The following PLK1 variants were observed in gnomAD, a reference collection of about 807,000 sequenced individuals.
The protein encoded by PLK1 is polo like kinase 1, also known as serine/threonine-protein kinase PLK1.
PLK1 carries 6 observed loss-of-function variants against 56.7 expected under a neutral mutation model. The observed-to-expected ratio is 0.11, with a 90% CI of 0.06 to 0.21. The LOEUF (loss-of-function observed/expected upper bound fraction) is 0.21. Ranked by LOEUF, PLK1 falls within the 10% of genes least tolerant of loss-of-function variation. The pLI is 1.00. For missense variants in PLK1, 546 were observed against 814.4 expected (o/e 0.67, Z 4.01); for synonymous variants, 298 against 325.0 (o/e 0.92, Z 0.89).
chr16:23,680,158 G>C lies in PLK1; in HGVS notation c.483G>C (p.Val161=), dbSNP rs1959308636. The change falls in exon 2 of 10, where the codon GTG becomes GTC. Residue 161 remains valine (V), a synonymous_variant. Coordinates refer to ENST00000300093, the MANE Select transcript of PLK1 (RefSeq NM_005030.6). Reference sequence around the variant, plus strand: ...CCCGATACTACCTACGGCAAATTGTGCTTGGCTGCCAGTACCTGCACCGAA... The same window carrying C: ...CCCGATACTACCTACGGCAAATTGTCCTTGGCTGCCAGTACCTGCACCGAA... ...PEARYYLRQI[V]LGCQYLHRNR... 6.2e-7 allele frequency: 1 copy of C among 1,614,014 alleles called. No homozygotes were observed. Among genetic ancestry groups the C allele is most frequent in the Non-Finnish European group, 8.5e-7 (1 of 1,179,934 alleles).
chr16:23,680,997 G>A lies in PLK1; in HGVS notation c.661G>A (p.Glu221Lys), dbSNP rs2140997794. Residue 221 changes from glutamate to lysine, a missense_variant, in exon 3 of 10, where the codon GAG (glutamate) becomes AAG (lysine). Around this residue, in one of 7 missense-constraint regions of PLK1, gnomAD observed 21 missense variants for 58.4 expected, o/e 0.36. Transcript: ENST00000300093. Reference sequence around the variant, plus strand: ...TGGGACTCCTAATTACATAGCTCCCGAGGTGCTGAGCAAGAAAGGGCACAG... The same window carrying A: ...TGGGACTCCTAATTACATAGCTCCCAAGGTGCTGAGCAAGAAAGGGCACAG... Reference protein sequence around the residue: ...LCGTPNYIAPEVLSKKGHSFE... With the variant: ...LCGTPNYIAPKVLSKKGHSFE... 6.2e-7 allele frequency: 1 copy of A among 1,613,050 alleles called. No individual in the cohort carries two copies. The highest frequency in any genetic ancestry group is 8.5e-7 in the Non-Finnish European group (1 of 1,179,594).
At position 23,684,293 on chromosome 16, in the gene PLK1, G is replaced by A. The variant is rs537861010; in HGVS notation, c.1036+204G>A. ...TACCATGGCTGGATAAACGTACCAT[G>A]CCCAAGAAGAAGAAAATGGATTGAA... On this transcript the variant is annotated intron_variant, in intron 5 of 9. Coordinates refer to ENST00000300093, the MANE Select transcript of PLK1 (RefSeq NM_005030.6). 1.8e-4 allele frequency among the ~76,000 whole-genome samples: 27 copies of A among 152,316 alleles called. 1 individual carries two copies. In the South Asian group the frequency reaches 5.6e-3, roughly 32 times the overall value.
At chr16:23,687,732 C>T (rs1024640089) in intron 6 of PLK1, 108 bp downstream of exon 6, 6 of 720,250 alleles carry the variant, frequency 8.3e-6, no homozygotes, top group Non-Finnish European at 1.3e-5. Context: ...GCCCTGTCTG[C>T]ATAGGACCAT....
At position 23,682,171 on chromosome 16, in the gene PLK1, C is replaced by CT; in HGVS notation, c.816+17dup. The CT allele has an allele frequency of 1.5e-6, 2 of 1,348,298 alleles. No homozygotes were observed. The highest frequency in any genetic ancestry group is 2.1e-6 in the Non-Finnish European group (2 of 938,970). 83.5% of individuals were successfully genotyped at this position (1,348,298 alleles called of 1,614,324 possible). On this transcript the variant is annotated intron_variant, in intron 4 of 9. Coordinates refer to ENST00000300093, the MANE Select transcript of PLK1 (RefSeq NM_005030.6). Reference sequence around the variant, plus strand: ...AGTATTCCCAAGGTGACTAATGATGCTTTAAGTTTACATTTATTTTGTTTT... The same window carrying CT: ...AGTATTCCCAAGGTGACTAATGATGCTTTTAAGTTTACATTTATTTTGTTTT...
chr16:23,687,793 G>A lies in PLK1; in HGVS notation c.1192+169G>A, dbSNP rs1597136696. The A allele has an allele frequency of 3.7e-5, 16 of 426,800 alleles. No homozygotes were observed. In the East Asian group the frequency reaches 3.9e-4, roughly 10 times the overall value. The allele number at this position is 426,800 out of a possible 1,614,324, so 26.4% of individuals were successfully genotyped here. The stretch of plus-strand genomic sequence containing the variant: ...AGGCCCTGCTTCCGTGGCTCCTGCC[G>A]CCTTTTCTGATCCGTCTTTTTTACT... On this transcript the variant is annotated intron_variant, in intron 6 of 9. Coordinates refer to ENST00000300093, the MANE Select transcript of PLK1 (RefSeq NM_005030.6).
At chr16:23,688,541 G>A (rs1959467856) in intron 6 of PLK1, 127 bp from the exon 7 acceptor site, 3 of 750,536 alleles carry the variant, frequency 4.0e-6, no homozygotes, top group Admixed American at 2.0e-5. Flanking sequence ...GGGGCCCTAG[G>A]CCTCTCAACT....
chr16:23,689,117 C>A lies in PLK1; in HGVS notation c.1271-121C>A. The A allele has an allele frequency of 1.2e-6, 1 of 868,524 alleles. No individual in the cohort carries two copies. Among genetic ancestry groups the A allele is most frequent in the Non-Finnish European group, 1.9e-6 (1 of 537,958 alleles). The allele number at this position is 868,524 out of a possible 1,614,324, so 53.8% of individuals were successfully genotyped here. The stretch of plus-strand genomic sequence containing the variant: ...CAGGCTGGTCTCAAACTCCTGGGCT[C>A]AAACAATCCTCCTCCCTCAGCCTCC... On this transcript the variant is annotated intron_variant, in intron 7 of 9. Coordinates refer to ENST00000300093, the MANE Select transcript of PLK1 (RefSeq NM_005030.6). The surrounding 1 kb of genome is among the most constrained non-coding windows in gnomAD (Gnocchi z 4.8).
In PLK1 at chr16:23,688,805, TTACAG is replaced by T. The variant is rs531407908; in HGVS notation, c.1270+61_1270+65del. ...CACAGCCAGGTGACCTTTTCAGTTG[TTACAG>T]ACTCTGGCCTTTTTGAGCTCCCAGG... is the stretch of plus-strand genomic sequence containing the variant. On this transcript the variant is annotated intron_variant, in intron 7 of 9. Transcript: ENST00000300093. The T allele has an allele frequency of 2.3e-4, 276 of 1,190,156 alleles. 1 individual carries two copies. In the African/African-American group the frequency reaches 4.0e-3, roughly 17 times the overall value. 73.7% of individuals were successfully genotyped at this position (1,190,156 alleles called of 1,614,324 possible).
rs1482023927 is a variant in PLK1 at position 23,680,054 on chromosome 16, T to C, written c.409-30T>C. On this transcript the variant is annotated intron_variant, in intron 1 of 9. Coordinates refer to ENST00000300093, the MANE Select transcript of PLK1 (RefSeq NM_005030.6). The stretch of plus-strand genomic sequence containing the variant: ...CCACCGGCCTCAATCCACCTCCCCA[T>C]CCCTCCTGCCCTCTCCTTCCCACCC... The C allele has an allele frequency of 2.6e-6, 4 of 1,565,194 alleles. No individual in the cohort carries two copies. The African/African-American group carries it at 5.4e-5, about 21-fold the overall frequency.
chr16:23,684,447 G>A (rs1040981534), intron 5 of PLK1, among the ~76,000 whole-genome samples: 6 of 152,238 alleles, frequency 3.9e-5, no homozygotes, highest in African/African-American at 1.4e-4. Flanking sequence ...TCAACTCTAG[G>A]GCTCAATTGA....
intron 3 of PLK1, 75 bp from the exon 4 acceptor site, chr16:23,681,989 T>C: frequency 7.3e-6 from 6 of 827,174 alleles, no homozygotes; most frequent in Non-Finnish European, 1.3e-5. Flanking sequence ...ACCTTTGTTC[T>C]GACCCTGAGA....
Position 23,689,426 on chromosome 16 carries a change from G to A in PLK1, c.1425+34G>A, listed in dbSNP as rs1430899557. 1.9e-6 allele frequency: 3 copies of A among 1,600,760 alleles called. No homozygotes were observed. The highest frequency in any genetic ancestry group is 2.6e-6 in the Non-Finnish European group (3 of 1,168,796). On this transcript the variant is annotated intron_variant, in intron 8 of 9. Coordinates refer to ENST00000300093, the MANE Select transcript of PLK1 (RefSeq NM_005030.6). The surrounding 1 kb of genome is among the most constrained non-coding windows in gnomAD (Gnocchi z 4.8). The stretch of plus-strand genomic sequence containing the variant: ...CGTCCGGCCCATGGGGGGTGGTGTT[G>A]CAGAAGTGGGACCTGTGCTGGAGGA...
In PLK1 at chr16:23,688,727, T is replaced by A; in HGVS notation, c.1252T>A (p.Ser418Thr). 1 of 1,613,594 alleles carries A rather than the reference T, an allele frequency of 6.2e-7. No homozygotes were observed. The highest frequency in any genetic ancestry group is 8.5e-7 in the Non-Finnish European group (1 of 1,179,442). Residue 418 changes from serine to threonine, a missense_variant, in exon 7 of 10, where the codon TCG becomes ACG. Physicochemically the swap from Ser to Thr is moderately conservative, Grantham distance 58. This residue lies in a region of PLK1 where 113 missense variants were observed against 202.0 expected (regional missense o/e 0.56). Transcript: ENST00000300093. ...IFWVSKWVDY[S>T]DKYGLGYQLC... ...CTGGGTCAGCAAGTGGGTGGACTAT[T>A]CGGACAAGTACGGCCTTGGTAGGTT...
intron 5 of PLK1, 53 bp downstream of exon 5, chr16:23,684,142 G>A (rs915459379): frequency 1.3e-5 from 18 of 1,397,656 alleles, no homozygotes; most frequent in Non-Finnish European, 1.6e-5. Flanking sequence ...AGCCCAGGTT[G>A]TAGGGGTGTG....
intron 5 of PLK1, among the ~76,000 whole-genome samples, chr16:23,685,799 C>T (rs1485741504): frequency 3.3e-5 from 5 of 151,480 alleles, no homozygotes; most frequent in East Asian, 2.0e-4. Flanking sequence ...TGATCCTCCT[C>T]GGCCTCCCAA....
chr16:23,681,418 A>G (rs929093421), intron 3 of PLK1, among the ~76,000 whole-genome samples: 1 of 152,174 alleles, frequency 6.6e-6, no homozygotes, highest in Non-Finnish European at 1.5e-5. Context: ...GATTTTTAAC[A>G]AGGTCCCTTG....
intron 5 of PLK1, among the ~76,000 whole-genome samples, chr16:23,685,936 T>G (rs1484012144): frequency 6.6e-6 from 1 of 152,238 alleles, no homozygotes; most frequent in Non-Finnish European, 1.5e-5. Flanking sequence ...GAGCTGTTCC[T>G]TCTCTCCGAT....
At chr16:23,685,947 T>G (rs1273295137) in intron 5 of PLK1, among the ~76,000 whole-genome samples, 1 of 152,208 alleles carries the variant, frequency 6.6e-6, no homozygotes, top group Admixed American at 6.5e-5. Flanking sequence ...TCTCTCCGAT[T>G]GATTTATTTA....
chr16:23,679,476 C>T (rs1030224604), intron 1 of PLK1, 136 bp downstream of exon 1: 1 of 765,206 alleles, frequency 1.3e-6, no homozygotes, highest in African/African-American at 1.8e-5. Context: ...GGGAGCCTCC[C>T]GCTTACGTAT....
Sources: allele counts gnomAD v4.1 joint callset (sites outside exome capture counted in the v4.1 genomes callset), GRCh38; gene constraint gnomAD v4.1.1; regional missense constraint gnomAD v4.1.1; non-coding constraint Gnocchi (gnomAD v3.1); transcripts MANE v1.5; gene names NCBI Gene and HGNC (gene_info 2026-07-23, HGNC 2026-07-21).